Variants in PDE1C observed in about 807,000 individuals in gnomAD.
PDE1C encodes dual specificity calcium/calmodulin-dependent 3',5'-cyclic nucleotide phosphodiesterase 1C.
In PDE1C, 62 loss-of-function variants were observed where a neutral mutation model predicts 93.1. The ratio of observed to expected loss-of-function variants is 0.67; its 90% confidence interval spans 0.54 to 0.82. The LOEUF (loss-of-function observed/expected upper bound fraction) is 0.82. Ranked by LOEUF, PDE1C falls within the 40% of genes least tolerant of loss-of-function variation. The pLI, the probability that PDE1C is intolerant of heterozygous loss-of-function variation, is 0.00. For synonymous variants in PDE1C, 325 were observed against 310.1 expected (o/e 1.05, Z -0.50); for missense variants, 742 against 884.6 (o/e 0.84, Z 2.04).
At chr7:32,015,001 C>T (rs1365681301) in intron 2 of PDE1C, among the ~76,000 whole-genome samples, 4 of 152,112 alleles carry the variant, frequency 2.6e-5, no homozygotes, top group African/African-American at 9.7e-5. Flanking sequence ...ATGCTGTTCT[C>T]ATGTTCTCAG....
At chr7:31,747,983 T>C (rs1036121562), downstream of PDE1C, among the ~76,000 whole-genome samples, 2 of 146,426 alleles carry the variant, frequency 1.4e-5, no homozygotes, top group African/African-American at 5.0e-5. Flanking sequence ...AATCCTGTTC[T>C]TGTGGCCTTT....
chr7:31,900,134 A>T (rs1046668671), intron 2 of PDE1C, among the ~76,000 whole-genome samples: 1 of 152,192 alleles, frequency 6.6e-6, no homozygotes, highest in Admixed American at 6.5e-5. Context: ...CACAAAAAGA[A>T]ATGTTCAAAA....
rs188332953 is a variant in PDE1C at position 32,058,958 on chromosome 7, A to C, written c.102-7378T>G. On this transcript the variant is annotated intron_variant, in intron 1 of 17. Transcript: ENST00000396191. ...AAGACAACAACAACAACAAAAGATT[A>C]TAAAATGGAAAAAAAAAAAACCTCA... Among the ~76,000 whole-genome samples, 33 of 149,880 alleles carry C rather than the reference A, an allele frequency of 2.2e-4. 1 individual carries two copies. In the East Asian group the frequency reaches 6.1e-3, roughly 27 times the overall value.
intron 2 of PDE1C, among the ~76,000 whole-genome samples, chr7:32,183,381 C>T (rs1442175343): frequency 3.3e-5 from 5 of 151,942 alleles, no homozygotes; most frequent in Admixed American, 2.6e-4. Flanking sequence ...GGAGGCATCA[C>T]GCTACCTGAC....
At chr7:32,000,024 A>AG (rs1200411714) in intron 2 of PDE1C, among the ~76,000 whole-genome samples, 2 of 152,176 alleles carry the variant, frequency 1.3e-5, no homozygotes, top group Admixed American at 6.5e-5. Flanking sequence ...AAATTTGGCA[A>AG]GCTGCTCAGC....
chr7:32,183,186 G>A (rs1803565275), intron 2 of PDE1C, among the ~76,000 whole-genome samples: 1 of 152,084 alleles, frequency 6.6e-6, no homozygotes, highest in African/African-American at 2.4e-5. Context: ...CCATGCTCAT[G>A]GATAGGAAGA....
At chr7:31,978,220 CTCCAAT>C (rs1811918424) in intron 2 of PDE1C, among the ~76,000 whole-genome samples, 1 of 152,128 alleles carries the variant, frequency 6.6e-6, no homozygotes, top group Admixed American at 6.5e-5. Context: ...GAAGTAGTCT[CTCCAAT>C]TCAGATCTCC....
intron 2 of PDE1C, among the ~76,000 whole-genome samples, chr7:32,188,139 T>C (rs1428161748): frequency 2.0e-5 from 3 of 152,060 alleles, no homozygotes; most frequent in African/African-American, 4.8e-5. Context: ...TAAAGTCTGA[T>C]AGGTTTTTTT....
the PDE1C span, chr7:31,697,203 GT>G: frequency 1.3e-6 from 2 of 1,506,512 alleles, no homozygotes; most frequent in Non-Finnish European, 1.8e-6. Flanking sequence ...GGGCCTGGCC[GT>G]TGTCCTGCCC....
At position 32,096,306 on chromosome 7, in the gene PDE1C, G is replaced by A. The variant is rs116187262; in HGVS notation, c.308+73479C>T. Among the ~76,000 whole-genome samples the A allele has an allele frequency of 8.0e-3, 1,226 of 152,306 alleles. 15 individuals are homozygous for A. Among genetic ancestry groups the A allele is most frequent in the African/African-American group, 0.028 (1,158 of 41,576 alleles). ...CCAAAGCCGGGGAGAGGAAGAACTA[G>A]TGCGTTTTGGAAAATGTTTCTTAAA... On this transcript the variant is annotated intron_variant, in intron 3 of 18. Transcript: ENST00000396193.
At position 32,053,416 on chromosome 7, in the gene PDE1C, T is replaced by C. The variant is rs561947009; in HGVS notation, c.102-1836A>G. Among the ~76,000 whole-genome samples the C allele has an allele frequency of 5.9e-5, 9 of 152,204 alleles. No individual in the cohort carries two copies. The South Asian group carries it at 1.7e-3, about 28-fold the overall frequency. The stretch of plus-strand genomic sequence containing the variant: ...AGCAGCCAAGGGCAGAGGCTTCACC[T>C]TCAGCCATGGAGCATAGTGAGCTGT... On this transcript the variant is annotated intron_variant, in intron 1 of 17. Transcript: ENST00000396191.
chr7:31,881,740 A>G (rs1268462457), intron 2 of PDE1C, among the ~76,000 whole-genome samples: 1 of 152,192 alleles, frequency 6.6e-6, no homozygotes, highest in Non-Finnish European at 1.5e-5. Context: ...AAGTTATGTA[A>G]CATCTTTGAG....
chr7:31,874,843 G>T (rs192263433), intron 5 of PDE1C, among the ~76,000 whole-genome samples: 1 of 152,204 alleles, frequency 6.6e-6, no homozygotes, highest in Non-Finnish European at 1.5e-5. Context: ...GCAAAACCTC[G>T]CAAGTCTAGA....
intron 7 of PDE1C, among the ~76,000 whole-genome samples, chr7:31,859,004 G>A (rs1465588371): frequency 6.6e-6 from 1 of 150,738 alleles, no homozygotes; most frequent in African/African-American, 2.4e-5. Context: ...TTACAGTAGT[G>A]AAAAAAAATT....
chr7:31,913,034 C>A (rs914499384), intron 2 of PDE1C, among the ~76,000 whole-genome samples: 1 of 152,042 alleles, frequency 6.6e-6, no homozygotes, highest in African/African-American at 2.4e-5. Context: ...TTTTGGTGAT[C>A]AAGAGACACT....
At chr7:32,044,136 C>T (rs371904870) in intron 2 of PDE1C, among the ~76,000 whole-genome samples, 2 of 152,082 alleles carry the variant, frequency 1.3e-5, no homozygotes, top group African/African-American at 4.8e-5. Flanking sequence ...AACTCTTATA[C>T]AGAATTAGAG....
the PDE1C span, among the ~76,000 whole-genome samples, chr7:31,675,528 T>G: frequency 1.2e-4 from 18 of 152,112 alleles, no homozygotes; most frequent in Non-Finnish European, 2.4e-4. Context: ...CATCCTGTAT[T>G]AAATTTATTT....
chr7:31,964,343 G>A (rs549758641), intron 2 of PDE1C, among the ~76,000 whole-genome samples: 54 of 152,290 alleles, frequency 3.5e-4, no homozygotes, highest in Admixed American at 6.5e-4. Flanking sequence ...CTATGCCCAC[G>A]GAGCCTCGCT....
At chr7:32,136,392 A>G (rs1800213681) in intron 3 of PDE1C, among the ~76,000 whole-genome samples, 1 of 152,012 alleles carries the variant, frequency 6.6e-6, no homozygotes, top group South Asian at 2.1e-4. Flanking sequence ...CCCAGGCTGG[A>G]GTGCAGTGGT....
Sources: gnomAD v4.1 joint callset for allele counts (sites outside exome capture counted in the v4.1 genomes callset) on GRCh38, gnomAD v4.1.1 for gene constraint, MANE v1.5 for transcripts, NCBI Gene and HGNC (gene_info 2026-07-23, HGNC 2026-07-21) for gene names.